CIAO2A: variants seen among roughly 807,000 people sequenced by gnomAD.
CIAO2A encodes MIP18 family protein FAM96A.
A neutral mutation model predicts 22.4 loss-of-function variants in CIAO2A; 17 were observed. The ratio of observed to expected loss-of-function variants is 0.76; its 90% CI spans 0.52 to 1.14. CIAO2A has a LOEUF of 1.14. Ranked by LOEUF, CIAO2A falls within the 50% of genes most tolerant of loss-of-function variation. CIAO2A has a pLI of 0.00. For synonymous variants in CIAO2A, 74 were observed against 72.3 expected, an observed-to-expected ratio of 1.02 and a Z score of -0.12; for missense variants, 192 against 191.4, an observed-to-expected ratio of 1.00 and a Z score of -0.02.
intron 2 of CIAO2A, among the ~76,000 whole-genome samples, chr15:64,085,182 A>G (rs2080784456): frequency 6.6e-6 from 1 of 152,258 alleles, no homozygotes; most frequent in African/African-American, 2.4e-5. Flanking sequence ...CCAAATGGTT[A>G]CAAAACTTCT....
intron 1 of CIAO2A, among the ~76,000 whole-genome samples, chr15:64,091,031 C>T (rs1446917479): frequency 6.6e-6 from 1 of 152,070 alleles, no homozygotes; most frequent in African/African-American, 2.4e-5. Flanking sequence ...AGGAAAGAAG[C>T]AGAATTTTAC....
chr15:64,076,060 T>C (rs1313882632), intron 3 of CIAO2A, among the ~76,000 whole-genome samples: 2 of 152,180 alleles, frequency 1.3e-5, no homozygotes, highest in East Asian at 1.9e-4. Context: ...TTTTATTTTG[T>C]TCACCTGGAA....
chr15:64,077,010 T>TC (rs1491165781), intron 3 of CIAO2A, among the ~76,000 whole-genome samples: 2 of 152,014 alleles, frequency 1.3e-5, no homozygotes, highest in East Asian at 3.9e-4. Flanking sequence ...CTGGCCCCAA[T>TC]TTTTTTTAAA....
At chr15:64,089,359 A>G (rs2080821560) in intron 1 of CIAO2A, among the ~76,000 whole-genome samples, 1 of 152,102 alleles carries the variant, frequency 6.6e-6, no homozygotes, top group Non-Finnish European at 1.5e-5. Flanking sequence ...CCCCGTCTCT[A>G]CAAAAAATAC....
At chr15:64,092,705 C>A (rs2080850309) in intron 1 of CIAO2A, among the ~76,000 whole-genome samples, 2 of 152,236 alleles carry the variant, frequency 1.3e-5, no homozygotes, top group South Asian at 4.1e-4. Context: ...TAAGAGAGGT[C>A]AACCAAATTA....
At chr15:64,074,043 T>A (rs763254855) in intron 4 of CIAO2A, among the ~76,000 whole-genome samples, 4 of 152,256 alleles carry the variant, frequency 2.6e-5, no homozygotes, top group Non-Finnish European at 5.9e-5. Context: ...GTGCATATAT[T>A]AGTTCTTCTT....
chr15:64,084,472 A>G (rs949513476), intron 2 of CIAO2A, among the ~76,000 whole-genome samples: 5 of 152,202 alleles, frequency 3.3e-5, no homozygotes, highest in Non-Finnish European at 7.3e-5. Context: ...TGAGATATAT[A>G]AAAATATTTA....
intron 2 of CIAO2A, among the ~76,000 whole-genome samples, chr15:64,085,126 T>A (rs2080784050): frequency 6.6e-6 from 1 of 151,786 alleles, no homozygotes; most frequent in South Asian, 2.1e-4. Flanking sequence ...TAAAATAAAG[T>A]TGCTCATCAC....
At chr15:64,089,854 G>C (rs2080826457) in intron 1 of CIAO2A, among the ~76,000 whole-genome samples, 1 of 152,216 alleles carries the variant, frequency 6.6e-6, no homozygotes, top group Admixed American at 6.5e-5. Flanking sequence ...GTGGGGCATA[G>C]AGCAAATGAG....
At chr15:64,091,408 C>T (rs1595961860) in intron 1 of CIAO2A, among the ~76,000 whole-genome samples, 2 of 151,612 alleles carry the variant, frequency 1.3e-5, no homozygotes, top group East Asian at 3.9e-4. Context: ...TCACTTGAAC[C>T]CAGGAGGCTG....
chr15:64,080,412 G>C (rs2080751134), intron 3 of CIAO2A, among the ~76,000 whole-genome samples: 1 of 151,790 alleles, frequency 6.6e-6, no homozygotes, highest in Admixed American at 6.6e-5. Flanking sequence ...GCCAGGCACA[G>C]TGGCTCATGC....
intron 1 of CIAO2A, among the ~76,000 whole-genome samples, chr15:64,091,723 TTTTCTAG>T (rs1181087235): frequency 4.0e-5 from 6 of 151,876 alleles, no homozygotes; most frequent in Non-Finnish European, 8.8e-5. Context: ...ATTTCTCTAG[TTTTCTAG>T]TTTCTAGATT....
intron 3 of CIAO2A, among the ~76,000 whole-genome samples, chr15:64,077,533 T>G (rs1359668297): frequency 6.6e-6 from 1 of 152,186 alleles, no homozygotes; most frequent in Non-Finnish European, 1.5e-5. Flanking sequence ...TTACCAATAA[T>G]GGGACAAACT....
At position 64,093,688 on chromosome 15, in the gene CIAO2A, G is replaced by GATCT; in HGVS notation, c.80_81insAGAT (p.Arg28AspfsTer16). The GATCT allele has an allele frequency of 6.2e-7, 1 of 1,614,000 alleles. No individual in the cohort carries two copies. Among genetic ancestry groups the GATCT allele is most frequent in the Admixed American group, 1.7e-5 (1 of 60,014 alleles). Reference sequence around the variant, plus strand: ...TCTCTTCCATGATCCGGGGCTGCCGGGCAGCTCCCGGCTCAGAGAGGCCGG... The same window carrying GATCT: ...TCTCTTCCATGATCCGGGGCTGCCGGATCTGCAGCTCCCGGCTCAGAGAGGCCGG... On this transcript the variant is annotated frameshift_variant, in exon 1 of 5. Coordinates refer to ENST00000300030, the MANE Select transcript of CIAO2A (RefSeq NM_032231.7). LOFTEE classifies it high-confidence loss of function.
intron 3 of CIAO2A, among the ~76,000 whole-genome samples, chr15:64,079,140 T>C (rs1403337145): frequency 7.1e-6 from 1 of 141,664 alleles, no homozygotes; most frequent in African/African-American, 2.6e-5. Flanking sequence ...ATACAAAAAA[T>C]AAAAAAAAAA....
At chr15:64,074,502 T>C (rs1408054619) in intron 4 of CIAO2A, 1 of 152,194 alleles carries the variant, frequency 6.6e-6, no homozygotes, top group Non-Finnish European at 1.5e-5. Flanking sequence ...GGATTTAGGG[T>C]ACCTAAACTC....
At position 64,073,035 on chromosome 15, in the gene CIAO2A, A is replaced by G; in HGVS notation, c.386-7T>C. 6.2e-7 allele frequency: 1 copy of G among 1,601,542 alleles called. No homozygotes were observed. Among genetic ancestry groups the G allele is most frequent in the Non-Finnish European group, 8.6e-7 (1 of 1,169,026 alleles). ...TCATTTATCTGCTTATTGACTGAAAAATACACAGACAAAAGTTAGCAGAAG... is the reference window on the plus strand; with the variant it reads ...TCATTTATCTGCTTATTGACTGAAAGATACACAGACAAAAGTTAGCAGAAG... On this transcript the variant is annotated splice_polypyrimidine_tract_variant and splice_region_variant and intron_variant, in intron 4 of 4. Coordinates refer to ENST00000300030, the MANE Select transcript of CIAO2A (RefSeq NM_032231.7).
At chr15:64,091,179 C>A (rs936916901) in intron 1 of CIAO2A, among the ~76,000 whole-genome samples, 2 of 152,130 alleles carry the variant, frequency 1.3e-5, no homozygotes, top group Non-Finnish European at 2.9e-5. Context: ...GGGCTTGTCA[C>A]TTGATTAGAA....
At chr15:64,087,364 T>A (rs2080805942) in intron 2 of CIAO2A, among the ~76,000 whole-genome samples, 1 of 152,154 alleles carries the variant, frequency 6.6e-6, no homozygotes, top group Non-Finnish European at 1.5e-5. Flanking sequence ...GTGCTGGGAT[T>A]ACAGGCGTAA....
Sources: allele counts gnomAD v4.1 joint callset (sites outside exome capture counted in the v4.1 genomes callset), GRCh38; gene constraint gnomAD v4.1.1; transcripts MANE v1.5; gene names NCBI Gene and HGNC (gene_info 2026-07-23, HGNC 2026-07-21).